OR11A1: variants seen among roughly 807,000 people sequenced by gnomAD.
OR11A1 encodes the protein olfactory receptor family 11 subfamily A member 1, also known as olfactory receptor 11A1.
For synonymous variants in OR11A1, 158 were observed against 152.2 expected (o/e 1.04, Z -0.28); for missense variants, 380 against 378.2 (o/e 1.00, Z -0.04).
Position 29,427,013 on chromosome 6 carries a change from A to G in OR11A1, c.629T>C (p.Ile210Thr). The G allele has an allele frequency of 1.2e-6, 2 of 1,612,728 alleles. No individual in the cohort carries two copies. The change falls in exon 5 of 5, where the codon ATT (isoleucine) becomes ACT (threonine). Residue 210 changes from isoleucine to threonine, a missense_variant. By Grantham distance (89) the Ile-to-Thr change is moderately conservative (BLOSUM62 -1). Transcript: ENST00000377149. ...TLILSVFCLT[I>T]PFGLILTSYA... is the part of the protein sequence containing the mutation. ...AGATGTCAGAATCAGTCCAAAAGGA[A>G]TAGTGAGGCAGAACACAGACAGAAT...
In OR11A1 at chr6:29,453,433, T is replaced by C. The variant is rs1785672021; in HGVS notation, c.-389+3554A>G. On this transcript the variant is annotated intron_variant, in intron 1 of 4. Transcript: ENST00000377149. This position sits in a 1 kb window ranked among gnomAD's most constrained non-coding sequence, Gnocchi z 4.5. The stretch of plus-strand genomic sequence containing the variant: ...ATCATAGGTAACTGTGCCTGTCCTG[T>C]GAAAAGTGCTCCAGTACTACTCCAA... Among the ~76,000 whole-genome samples the C allele has an allele frequency of 6.6e-6, 1 of 152,126 alleles. No homozygotes were observed. The highest frequency in any genetic ancestry group is 2.4e-5 in the African/African-American group (1 of 41,434).
intron 1 of OR11A1, among the ~76,000 whole-genome samples, chr6:29,441,223 A>G (rs954023293): frequency 2.6e-5 from 4 of 152,232 alleles, no homozygotes; most frequent in African/African-American, 9.6e-5. Context: ...AACCAGGGAT[A>G]AAGTTACAAA....
chr6:29,427,240 T>C lies in OR11A1; in HGVS notation c.402A>G (p.Pro134=). The change falls in exon 5 of 5, where the codon CCA becomes CCG. Residue 134 remains proline, a synonymous_variant. Transcript: ENST00000377149. ...TGTACCGTCTGGGCCCCATCAGGAGTGGGTAGTGGAGTGGGTAGCAAATTG... is the reference window on the plus strand; with the variant it reads ...TGTACCGTCTGGGCCCCATCAGGAGCGGGTAGTGGAGTGGGTAGCAAATTG... ...YLAICYPLHY[P]LLMGPRRYMG... 1 of 1,612,342 alleles carries C rather than the reference T, an allele frequency of 6.2e-7. No homozygotes were observed. Among genetic ancestry groups the C allele is most frequent in the South Asian group, 1.1e-5 (1 of 91,028 alleles).
chr6:29,455,308 T>C (rs1785958038), intron 1 of OR11A1, among the ~76,000 whole-genome samples: 1 of 152,194 alleles, frequency 6.6e-6, no homozygotes, highest in Non-Finnish European at 1.5e-5. Context: ...CATATACTTT[T>C]ATCATAAAAG....
chr6:29,427,538 G>A lies in OR11A1; in HGVS notation c.104C>T (p.Ala35Val), dbSNP rs767364717. 6.2e-7 allele frequency: 1 copy of A among 1,613,020 alleles called. No homozygotes were observed. The highest frequency in any genetic ancestry group is 2.2e-5 in the East Asian group (1 of 44,888). Residue 35 changes from alanine (A) to valine (V), a missense_variant, in exon 5 of 5, where the codon GCT (alanine) becomes GTT (valine). Transcript: ENST00000377149. The stretch of plus-strand genomic sequence containing the variant: ...CCCTATGATGATGAAGACATAGACA[G>A]CAGTGAATACAATAAAAAACAAGAA... ...LHFLFFIVFT[A>V]VYVFIIIGNM...
rs186946885 is a variant in OR11A1 at position 29,456,523 on chromosome 6, T to A, written c.-389+464A>T. On this transcript the variant is annotated intron_variant, in intron 1 of 4. Transcript: ENST00000377149. Reference sequence around the variant, plus strand: ...AGACTCCGTCTCAAAAAAAAAAAAATTAAATTAAAAAGCTATAAAAGCTAT... The same window carrying A: ...AGACTCCGTCTCAAAAAAAAAAAAAATAAATTAAAAAGCTATAAAAGCTAT... 2.7e-3 allele frequency among the ~76,000 whole-genome samples: 402 copies of A among 150,734 alleles called. 1 individual carries two copies. The highest frequency in any genetic ancestry group is 0.01 in the South Asian group (48 of 4,722).
intron 1 of OR11A1, among the ~76,000 whole-genome samples, chr6:29,432,917 T>C (rs952263884): frequency 6.6e-6 from 1 of 152,176 alleles, no homozygotes; most frequent in Non-Finnish European, 1.5e-5. Flanking sequence ...TATTTTTTCT[T>C]GGCAGCAGGA....
In OR11A1 at chr6:29,426,692, CTTCA is replaced by C; in HGVS notation, c.946_*1del. The stretch of plus-strand genomic sequence containing the variant: ...CCAAAATAACATCTTCATTACTCTC[CTTCA>C]ATCAAGTGTTTCAGTTTGTTTGATA... On this transcript the variant is annotated stop_lost and 3_prime_UTR_variant, in exon 5 of 5. Coordinates refer to ENST00000377149, the MANE Select transcript of OR11A1 (RefSeq NM_001394828.1). 8 of 1,603,574 alleles carry C rather than the reference CTTCA, an allele frequency of 5.0e-6. No individual in the cohort carries two copies. Among genetic ancestry groups the C allele is most frequent in the Non-Finnish European group, 6.8e-6 (8 of 1,174,574 alleles).
At chr6:29,456,424 G>T (rs1786278247) in intron 1 of OR11A1, among the ~76,000 whole-genome samples, 1 of 150,068 alleles carries the variant, frequency 6.7e-6, no homozygotes, top group Admixed American at 6.6e-5. Context: ...GCAGGAGAAT[G>T]GCGTGAACCC....
In OR11A1 at chr6:29,447,211, A is replaced by T. The variant is rs114688433; in HGVS notation, c.-389+9776T>A. On this transcript the variant is annotated intron_variant, in intron 1 of 4. Coordinates refer to ENST00000377149, the MANE Select transcript of OR11A1 (RefSeq NM_001394828.1). Reference sequence around the variant, plus strand: ...TTGCATAAAAGAATACAAATGATAAACATAGAAACCCTGACCATCCTTGAC... The same window carrying T: ...TTGCATAAAAGAATACAAATGATAATCATAGAAACCCTGACCATCCTTGAC... 8.0e-3 allele frequency among the ~76,000 whole-genome samples: 1,218 copies of T among 152,342 alleles called. 14 individuals carry two copies. The highest frequency in any genetic ancestry group is 0.025 in the East Asian group (131 of 5,182).
In OR11A1 at chr6:29,426,670, A is replaced by G; in HGVS notation, c.*24T>C. 1 of 1,577,966 alleles carries G rather than the reference A, an allele frequency of 6.3e-7. No individual in the cohort carries two copies. Among genetic ancestry groups the G allele is most frequent in the Non-Finnish European group, 8.6e-7 (1 of 1,161,044 alleles). On this transcript the variant is annotated 3_prime_UTR_variant, in exon 5 of 5. Coordinates refer to ENST00000377149, the MANE Select transcript of OR11A1 (RefSeq NM_001394828.1). ...CCCCAGTGGAGGTGTCCGAAGTCCAAAATAACATCTTCATTACTCTCCTTC... is the reference window on the plus strand; with the variant it reads ...CCCCAGTGGAGGTGTCCGAAGTCCAGAATAACATCTTCATTACTCTCCTTC...
chr6:29,441,097 G>A, intron 1 of OR11A1: 4 of 609,132 alleles, frequency 6.6e-6, no homozygotes, highest in Non-Finnish European at 1.2e-5. Flanking sequence ...AAAAGCTACC[G>A]TAGTCAAATG....
chr6:29,432,033 C>T (rs1783264176), intron 1 of OR11A1, 46 bp from the exon 2 acceptor site: 3 of 984,530 alleles, frequency 3.0e-6, no homozygotes, highest in Non-Finnish European at 3.6e-6. Context: ...CCTTGTTACC[C>T]TCCACTCCTG....
intron 2 of OR11A1, among the ~76,000 whole-genome samples, chr6:29,431,459 C>G (rs1301525252): frequency 6.6e-6 from 1 of 151,912 alleles, no homozygotes; most frequent in Non-Finnish European, 1.5e-5. Context: ...TTTTGTCAAG[C>G]CATGGGATAG....
intron 1 of OR11A1, among the ~76,000 whole-genome samples, chr6:29,433,208 ACT>A (rs1464843594): frequency 1.3e-5 from 2 of 151,982 alleles, no homozygotes; most frequent in Non-Finnish European, 2.9e-5. Flanking sequence ...ACTCAGATCT[ACT>A]CTTTTAGCAA....
At chr6:29,437,101 T>C (rs895967722) in intron 1 of OR11A1, among the ~76,000 whole-genome samples, 18 of 152,212 alleles carry the variant, frequency 1.2e-4, no homozygotes, top group African/African-American at 4.3e-4. Flanking sequence ...GACTGTAAAC[T>C]AGTTCAACCA....
intron 1 of OR11A1, among the ~76,000 whole-genome samples, chr6:29,432,316 A>C (rs1271194122): frequency 1.3e-5 from 2 of 152,106 alleles, no homozygotes; most frequent in African/African-American, 4.8e-5. Flanking sequence ...AATGGAGCCC[A>C]CCTTTCCATC....
At chr6:29,445,006 T>C (rs970855486) in intron 1 of OR11A1, among the ~76,000 whole-genome samples, 10 of 151,202 alleles carry the variant, frequency 6.6e-5, no homozygotes, top group African/African-American at 2.5e-4. Context: ...AGTATCCTCA[T>C]TCTTTCTTTC....
intron 3 of OR11A1, among the ~76,000 whole-genome samples, chr6:29,429,947 A>C (rs143283489): frequency 1.4e-4 from 21 of 152,272 alleles, no homozygotes; most frequent in Non-Finnish European, 2.4e-4. Context: ...GTATTATGGA[A>C]GCTACATCCA....
Sources: allele counts gnomAD v4.1 joint callset (sites outside exome capture counted in the v4.1 genomes callset), GRCh38; gene constraint gnomAD v4.1.1; non-coding constraint Gnocchi (gnomAD v3.1); transcripts MANE v1.5; gene names NCBI Gene and HGNC (gene_info 2026-07-23, HGNC 2026-07-21).